The following KCTD1 variants were observed in gnomAD, a reference collection of about 807,000 sequenced individuals.
The protein encoded by KCTD1 is BTB/POZ domain-containing protein KCTD1.
Under a neutral mutation model 66.0 loss-of-function variants are expected in KCTD1, and 24 were observed. The observed-to-expected ratio is 0.36, with a 90% confidence interval of 0.26 to 0.51. The LOEUF (loss-of-function observed/expected upper bound fraction) is 0.51, where lower values mean the gene tolerates loss of function less well. KCTD1 is among the 20% of genes least tolerant of loss of function. KCTD1 has a pLI of 0.95. For synonymous variants in KCTD1, 511 were observed against 517.2 expected (o/e 0.99, Z 0.16); for missense variants, 943 against 1,205.2 (o/e 0.78, Z 3.22).
chr18:26,614,310 T>G (rs1217774963), intron 1 of KCTD1, among the ~76,000 whole-genome samples: 1 of 152,234 alleles, frequency 6.6e-6, no homozygotes, highest in African/African-American at 2.4e-5. Context: ...GGAGCTATGA[T>G]GTGAATCACC....
Position 26,605,770 on chromosome 18 carries a change from A to ATCTG in KCTD1, c.-16+23376_-16+23377insCAGA. ...TATCTATCTATCTATCTATCTATCT[A>ATCTG]TATTACATCTTAGTAACTGTGGTAG... On this transcript the variant is annotated intron_variant, in intron 1 of 4. Transcript: ENST00000317932. Among the ~76,000 whole-genome samples the ATCTG allele has an allele frequency of 2.2e-5, 3 of 138,426 alleles. No individual in the cohort carries two copies. The Admixed American group carries it at 2.4e-4, about 11-fold the overall frequency. The allele number at this position is 138,426 out of a possible 152,430, so 90.8% of individuals were successfully genotyped here.
At chr18:26,608,102 T>A (rs955014348) in intron 1 of KCTD1, among the ~76,000 whole-genome samples, 7 of 152,232 alleles carry the variant, frequency 4.6e-5, no homozygotes, top group African/African-American at 1.4e-4. Flanking sequence ...ATTGTTTGAT[T>A]TAGTTTTCAA....
chr18:26,620,957 C>T (rs1004812943), intron 1 of KCTD1, among the ~76,000 whole-genome samples: 1 of 151,806 alleles, frequency 6.6e-6, no homozygotes, highest in Non-Finnish European at 1.5e-5. Flanking sequence ...CTCAGCCTCC[C>T]GAGTAGCTGG....
At chr18:26,520,036 C>T (rs1347965364) in intron 1 of KCTD1, among the ~76,000 whole-genome samples, 3 of 152,212 alleles carry the variant, frequency 2.0e-5, no homozygotes, top group Non-Finnish European at 4.4e-5. Context: ...TCACAATACA[C>T]TTAACTAAAT....
At chr18:26,457,918 T>C (rs1011962513) in intron 4 of KCTD1, 11 of 152,258 alleles carry the variant, frequency 7.2e-5, no homozygotes, top group African/African-American at 2.7e-4. Flanking sequence ...CATGAATTGA[T>C]GATCGTTATT....
At chr18:26,643,407 T>C (rs1024741888), upstream of KCTD1, among the ~76,000 whole-genome samples, 4 of 152,174 alleles carry the variant, frequency 2.6e-5, no homozygotes, top group African/African-American at 9.6e-5. Flanking sequence ...GTTCAACAGA[T>C]GGTTGTAGGC....
At chr18:26,494,752 C>A (rs772828383) in intron 2 of KCTD1, among the ~76,000 whole-genome samples, 57 of 152,070 alleles carry the variant, frequency 3.7e-4, no homozygotes, top group Non-Finnish European at 6.9e-4. Flanking sequence ...AGAAACTTTC[C>A]ATTTTTCATT....
At chr18:26,507,154 A>G (rs1446090024) in intron 1 of KCTD1, among the ~76,000 whole-genome samples, 1 of 152,184 alleles carries the variant, frequency 6.6e-6, no homozygotes, top group East Asian at 1.9e-4. Flanking sequence ...TAACAGAGCA[A>G]AACTCCGTCT....
At chr18:26,513,393 G>A (rs879923347) in intron 1 of KCTD1, among the ~76,000 whole-genome samples, 5 of 151,906 alleles carry the variant, frequency 3.3e-5, no homozygotes, top group Admixed American at 3.3e-4. Flanking sequence ...GGCCTCCAGG[G>A]TGTATTATTT....
At chr18:26,494,765 C>T (rs546436232) in intron 2 of KCTD1, among the ~76,000 whole-genome samples, 1 of 152,220 alleles carries the variant, frequency 6.6e-6, no homozygotes, top group African/African-American at 2.4e-5. Flanking sequence ...TTTTCATTTG[C>T]CAGGTGCTTT....
intron 1 of KCTD1, among the ~76,000 whole-genome samples, chr18:26,590,534 C>T (rs908486317): frequency 1.3e-5 from 2 of 152,068 alleles, no homozygotes; most frequent in African/African-American, 2.4e-5. Context: ...TACCTTAAAA[C>T]GTATGGTTGT....
intron 2 of KCTD1, among the ~76,000 whole-genome samples, chr18:26,499,013 G>A (rs1300664179): frequency 7.2e-5 from 11 of 152,194 alleles, no homozygotes; most frequent in Admixed American, 7.2e-4. Context: ...TGGCGGGAAT[G>A]AGTCAGTGGA....
At chr18:26,612,786 G>A (rs116797428) in intron 1 of KCTD1, among the ~76,000 whole-genome samples, 2,559 of 152,252 alleles carry the variant, frequency 0.017, 73 homozygotes, top group African/African-American at 0.057. Context: ...GAAACTCTTC[G>A]GGCAGTGAGC....
intron 1 of KCTD1, among the ~76,000 whole-genome samples, chr18:26,514,976 A>C (rs1454598999): frequency 6.6e-6 from 1 of 152,214 alleles, no homozygotes; most frequent in Non-Finnish European, 1.5e-5. Context: ...AGCCCTAAAG[A>C]CAGCAGTGAA....
At chr18:26,622,086 A>C (rs1331244664) in intron 1 of KCTD1, among the ~76,000 whole-genome samples, 1 of 152,144 alleles carries the variant, frequency 6.6e-6, no homozygotes, top group Admixed American at 6.6e-5. Context: ...TATTTTTCTT[A>C]TTTGCAAAAC....
At chr18:26,489,264 G>A (rs534088202) in intron 2 of KCTD1, among the ~76,000 whole-genome samples, 11 of 152,242 alleles carry the variant, frequency 7.2e-5, no homozygotes, top group African/African-American at 2.6e-4. Flanking sequence ...ATTTTTATAC[G>A]CGACTTATAT....
intron 1 of KCTD1, among the ~76,000 whole-genome samples, chr18:26,527,857 AT>A (rs1984246748): frequency 3.7e-5 from 5 of 135,716 alleles, no homozygotes; most frequent in South Asian, 2.4e-4. Flanking sequence ...GAGAAAAAAA[AT>A]AATTGTTTCA....
intron 2 of KCTD1, among the ~76,000 whole-genome samples, chr18:26,481,333 G>A (rs907681457): frequency 2.0e-5 from 3 of 152,194 alleles, no homozygotes; most frequent in Non-Finnish European, 2.9e-5. Flanking sequence ...AAGCTCATTG[G>A]AGACCTGAAG....
intron 1 of KCTD1, among the ~76,000 whole-genome samples, chr18:26,625,474 T>C (rs908921565): frequency 6.6e-6 from 1 of 152,160 alleles, no homozygotes; most frequent in Non-Finnish European, 1.5e-5. Context: ...AAGGTGCTTT[T>C]CCCCTTTTGC....
Sources: gnomAD v4.1 joint callset for allele counts (sites outside exome capture counted in the v4.1 genomes callset) on GRCh38, gnomAD v4.1.1 for gene constraint, MANE v1.5 for transcripts, NCBI Gene and HGNC (gene_info 2026-07-23, HGNC 2026-07-21) for gene names.